The following CWC25 variants were observed in gnomAD, a reference collection of about 807,000 sequenced individuals.
CWC25 encodes CWC25 spliceosome associated protein.
In CWC25, 31 loss-of-function variants were observed where a neutral mutation model predicts 54.6. The ratio of observed to expected loss-of-function variants is 0.57; its 90% CI spans 0.43 to 0.77. The LOEUF (loss-of-function observed/expected upper bound fraction) is 0.77, where lower values mean the gene tolerates loss of function less well. CWC25 is among the 30% of genes least tolerant of loss of function. The probability of loss-of-function intolerance (pLI) is 0.00; values close to 1 mark genes in which losing one functional copy is unlikely to be tolerated. For synonymous variants in CWC25, 151 were observed against 187.0 expected, an observed-to-expected ratio of 0.81 and a Z score of 1.57; for missense variants, 453 against 529.3, an observed-to-expected ratio of 0.86 and a Z score of 1.41.
chr17:38,817,372 C>T lies in CWC25; in HGVS notation c.192-2275G>A, dbSNP rs369791278. On this transcript the variant is annotated intron_variant, in intron 2 of 9. Coordinates refer to ENST00000614790, the MANE Select transcript of CWC25 (RefSeq NM_017748.5). Reference sequence around the variant, plus strand: ...AAAAAATAAGAATTGATCATGGGGCCGGGCGCTGTGGCTCACACCTGTAAT... The same window carrying T: ...AAAAAATAAGAATTGATCATGGGGCTGGGCGCTGTGGCTCACACCTGTAAT... Among the ~76,000 whole-genome samples the T allele has an allele frequency of 1.1e-4, 16 of 150,524 alleles. 1 individual carries two copies. Among genetic ancestry groups the T allele is most frequent in the African/African-American group, 2.4e-4 (10 of 41,036 alleles).
chr17:38,811,168 T>C (rs1911470305), intron 4 of CWC25, among the ~76,000 whole-genome samples: 1 of 150,892 alleles, frequency 6.6e-6, no homozygotes, highest in Admixed American at 6.6e-5. Context: ...GAGGCAGAGG[T>C]TGCAGTGAGC....
chr17:38,817,326 C>T (rs146828809), intron 2 of CWC25, among the ~76,000 whole-genome samples: 303 of 147,936 alleles, frequency 2.0e-3, no homozygotes, highest in African/African-American at 7.1e-3. Context: ...GGTGACAGTG[C>T]GAGACTCGGT....
rs533963057 is a variant in CWC25, at chr17:38,812,955, G to T, written c.429-91C>A. 3.5e-5 allele frequency: 26 copies of T among 738,020 alleles called. No individual in the cohort carries two copies. The East Asian group carries it at 6.6e-4, about 19-fold the overall frequency. The allele number at this position is 738,020 out of a possible 1,614,324, so 45.7% of individuals were successfully genotyped here. On this transcript the variant is annotated intron_variant, in intron 3 of 9. Transcript: ENST00000614790. ...TCTCCAAACATATACAGACAAACTGGCCCATGTTAAAATCTACATGATTAG... is the reference window on the plus strand; with the variant it reads ...TCTCCAAACATATACAGACAAACTGTCCCATGTTAAAATCTACATGATTAG...
At chr17:38,813,000 C>A (rs1911552409) in intron 3 of CWC25, 136 bp from the exon 4 acceptor site, 2 of 594,716 alleles carry the variant, frequency 3.4e-6, no homozygotes, top group Admixed American at 2.8e-5. Context: ...GTGGTGTGCA[C>A]CTGTAATCCC....
chr17:38,810,621 C>A (rs1004121774), intron 4 of CWC25, 26 bp from the exon 5 acceptor site: 1 of 1,163,476 alleles, frequency 8.6e-7, no homozygotes, highest in Non-Finnish European at 1.3e-6. Flanking sequence ...AACACAAGCA[C>A]ACAAGATTAC....
intron 6 of CWC25, among the ~76,000 whole-genome samples, chr17:38,808,465 G>T (rs1313347863): frequency 3.6e-5 from 5 of 138,254 alleles, no homozygotes; most frequent in African/African-American, 1.3e-4. Context: ...AAGCATGGAG[G>T]ACAGGACCCA....
chr17:38,823,112 A>G (rs1293498991), intron 1 of CWC25, among the ~76,000 whole-genome samples: 8 of 150,978 alleles, frequency 5.3e-5, no homozygotes, highest in African/African-American at 2.0e-4. Context: ...TGCTAGGATT[A>G]CAGGTGTGAG....
chr17:38,812,749 A>T (rs1010089979), intron 4 of CWC25, 46 bp downstream of exon 4: 38 of 1,114,202 alleles, frequency 3.4e-5, no homozygotes, highest in Non-Finnish European at 5.0e-5. Context: ...TTCTCACGTT[A>T]TATGGCTAAA....
chr17:38,804,667 G>A (rs1253752474), intron 8 of CWC25, among the ~76,000 whole-genome samples: 1 of 151,810 alleles, frequency 6.6e-6, no homozygotes, highest in Non-Finnish European at 1.5e-5. Flanking sequence ...AATTAGCTGG[G>A]CATGGTGGCA....
chr17:38,825,078 T>C, intron 1 of CWC25, 88 bp downstream of exon 1: 4 of 1,237,628 alleles, frequency 3.2e-6, no homozygotes, highest in Non-Finnish European at 4.4e-6. Context: ...TGCGTTGCCA[T>C]GGTTATCCAC....
At chr17:38,814,481 C>T (rs1390555410) in intron 3 of CWC25, among the ~76,000 whole-genome samples, 1 of 151,304 alleles carries the variant, frequency 6.6e-6, no homozygotes, top group Non-Finnish European at 1.5e-5. Context: ...TGGCTCACGC[C>T]TGTAATCCCA....
rs1911636007 is a variant in CWC25 at position 38,814,872 on chromosome 17, G to T, written c.417C>A (p.Leu139=). The T allele has an allele frequency of 2.5e-6, 4 of 1,612,018 alleles. No individual in the cohort carries two copies. The African/African-American group carries it at 5.4e-5, about 22-fold the overall frequency. Residue 139 remains leucine (L), a synonymous_variant, in exon 3 of 10, where the codon CTC becomes CTA. Transcript: ENST00000614790. ...CCCCCCATTAGTACCTGATGATGAA[G>T]AGTGGGTCCTCCCGGATCTTGCTGG... The part of the protein sequence containing the change: ...DMASKIREDP[L]FIIRKKEEEK...
intron 1 of CWC25, among the ~76,000 whole-genome samples, chr17:38,824,682 C>CA (rs955690937): frequency 1.7e-4 from 24 of 141,366 alleles, no homozygotes; most frequent in African/African-American, 5.6e-4. Flanking sequence ...AACTCCGTCT[C>CA]AAAAAAATAA....
intron 1 of CWC25, among the ~76,000 whole-genome samples, 180 bp from the exon 2 acceptor site, chr17:38,821,253 G>A (rs1911912518): frequency 6.6e-6 from 1 of 152,138 alleles, no homozygotes; most frequent in South Asian, 2.1e-4. Flanking sequence ...AGGGGAGCTT[G>A]TTCAAGTGTA....
Position 38,811,540 on chromosome 17 carries a change from CAAAA to C in CWC25, c.499-949_499-946del, listed in dbSNP as rs11387199. Among the ~76,000 whole-genome samples the C allele has an allele frequency of 4.5e-4, 24 of 53,376 alleles. No homozygotes were observed. In the East Asian group the frequency reaches 0.01, roughly 23 times the overall value. 35.0% of individuals were successfully genotyped at this position (53,376 alleles called of 152,430 possible). ...TGGGCAACAGAGCGAGACTCCGTCTCAAAAAAAAAAAAAAAAAAAAAGATTACTG... is the reference window on the plus strand; with the variant it reads ...TGGGCAACAGAGCGAGACTCCGTCTCAAAAAAAAAAAAAAAAAGATTACTG... On this transcript the variant is annotated intron_variant, in intron 4 of 9. Coordinates refer to ENST00000614790, the MANE Select transcript of CWC25 (RefSeq NM_017748.5).
intron 1 of CWC25, among the ~76,000 whole-genome samples, chr17:38,821,778 ATTCT>A (rs1911935511): frequency 7.3e-6 from 1 of 136,386 alleles, no homozygotes; most frequent in South Asian, 2.2e-4. Flanking sequence ...GTGGACATTC[ATTCT>A]TTTTTTTTTT....
chr17:38,814,745 C>CAAAAA (rs71138658), intron 3 of CWC25, 116 bp downstream of exon 3: 493 of 465,008 alleles, frequency 1.1e-3, no homozygotes, highest in African/African-American at 5.5e-3. Context: ...GACTCCGTCT[C>CAAAAA]AAAAAAAAAA....
At position 38,819,956 on chromosome 17, in the gene CWC25, G is replaced by A. The variant is rs139398507; in HGVS notation, c.191+945C>T. Among the ~76,000 whole-genome samples the A allele has an allele frequency of 9.3e-5, 14 of 150,606 alleles. No homozygotes were observed. The East Asian group carries it at 2.6e-3, about 27-fold the overall frequency. On this transcript the variant is annotated intron_variant, in intron 2 of 9. Transcript: ENST00000614790. The stretch of plus-strand genomic sequence containing the variant: ...CAAAGTGCTGGGATTACAGGCGTAA[G>A]CCATCGTGCCTGGCTAATTTTTTTC...
intron 8 of CWC25, 125 bp downstream of exon 8, chr17:38,806,172 T>C (rs1392519611): frequency 1.7e-5 from 14 of 803,286 alleles, no homozygotes; most frequent in African/African-American, 5.2e-5. Flanking sequence ...CCCTTACAGG[T>C]TGGCAAGATA....
Sources: gnomAD v4.1 joint callset for allele counts (sites outside exome capture counted in the v4.1 genomes callset) on GRCh38, gnomAD v4.1.1 for gene constraint, MANE v1.5 for transcripts, NCBI Gene and HGNC (gene_info 2026-07-23, HGNC 2026-07-21) for gene names.